The following TBCK variants were observed in gnomAD, a reference collection of about 807,000 sequenced individuals.
TBCK encodes the protein TBC1 domain containing kinase.
Under a neutral mutation model 113.4 loss-of-function variants are expected in TBCK, and 99 were observed. That is an observed-to-expected ratio of 0.87 (90% CI 0.74 to 1.03). The LOEUF is 1.03. TBCK is among the 50% of genes least tolerant of loss of function. TBCK has a pLI of 0.00. For synonymous variants in TBCK, 369 were observed against 370.8 expected (o/e 1.00, Z 0.05); for missense variants, 1,045 against 1,061.3 (o/e 0.98, Z 0.21).
intron 23 of TBCK, among the ~76,000 whole-genome samples, chr4:106,140,548 A>G (rs1163753613): frequency 7.1e-6 from 1 of 141,202 alleles, no homozygotes; most frequent in Admixed American, 7.0e-5. Flanking sequence ...GCCTCTCAAG[A>G]AAGAAAATTT....
intron 25 of TBCK, among the ~76,000 whole-genome samples, chr4:106,047,392 C>G (rs911430389): frequency 6.6e-6 from 1 of 152,194 alleles, no homozygotes; most frequent in African/African-American, 2.4e-5. Context: ...CCCAATATAG[C>G]ATACTGCTTT....
intron 3 of TBCK, among the ~76,000 whole-genome samples, chr4:106,283,259 CAATA>C (rs1286126063): frequency 6.6e-6 from 1 of 151,946 alleles, no homozygotes; most frequent in Non-Finnish European, 1.5e-5. Flanking sequence ...CTTTAGGAGA[CAATA>C]AATAAATTAC....
At chr4:106,312,915 T>C (rs1300503898) in intron 1 of TBCK, among the ~76,000 whole-genome samples, 1 of 152,062 alleles carries the variant, frequency 6.6e-6, no homozygotes, top group African/African-American at 2.4e-5. Flanking sequence ...GATAGTACTG[T>C]AGATGGGGGA....
At chr4:106,066,329 TGTTA>T (rs891594575) in intron 25 of TBCK, among the ~76,000 whole-genome samples, 2 of 151,900 alleles carry the variant, frequency 1.3e-5, no homozygotes, top group African/African-American at 4.8e-5. Flanking sequence ...GAAGAAAAGC[TGTTA>T]GTTTCCGAAG....
At chr4:106,147,001 T>C (rs1747877827) in intron 23 of TBCK, among the ~76,000 whole-genome samples, 1 of 152,192 alleles carries the variant, frequency 6.6e-6, no homozygotes, top group Admixed American at 6.5e-5. Context: ...TCTAAGAAAC[T>C]TTTTTTGCTC....
chr4:106,080,852 G>A (rs754428613), intron 25 of TBCK, among the ~76,000 whole-genome samples: 2 of 151,872 alleles, frequency 1.3e-5, no homozygotes, highest in Admixed American at 6.6e-5. Flanking sequence ...ATTAGAAAGT[G>A]GACAAAAAAC....
intron 3 of TBCK, among the ~76,000 whole-genome samples, chr4:106,265,343 G>C (rs1252438477): frequency 6.6e-6 from 1 of 151,820 alleles, no homozygotes. Flanking sequence ...ATGTAAAATG[G>C]GGTGTCCCCC....
At chr4:106,215,158 C>A (rs1756716348) in intron 19 of TBCK, among the ~76,000 whole-genome samples, 1 of 151,446 alleles carries the variant, frequency 6.6e-6, no homozygotes, top group African/African-American at 2.4e-5. Context: ...TACAGACAAG[C>A]AAATGCTGAG....
intron 22 of TBCK, among the ~76,000 whole-genome samples, chr4:106,181,299 T>G (rs1007791897): frequency 6.6e-6 from 1 of 152,182 alleles, no homozygotes; most frequent in African/African-American, 2.4e-5. Flanking sequence ...TTGCAAAAAT[T>G]TTCTCCCATT....
chr4:106,046,016 A>C lies in TBCK; in HGVS notation c.*554T>G, dbSNP rs1216182637. 6.6e-6 allele frequency: 1 copy of C among 152,062 alleles called. No homozygotes were observed. Among genetic ancestry groups the C allele is most frequent in the Non-Finnish European group, 1.5e-5 (1 of 68,070 alleles). 9.4% of individuals were successfully genotyped at this position (152,062 alleles called of 1,614,324 possible). ...TTTCATTTTTCTGGGAGTAAGTATT[A>C]CCACTTTCTGCAATGGGATAAACTC... On this transcript the variant is annotated 3_prime_UTR_variant, in exon 26 of 26. Transcript: ENST00000394708.
In TBCK at chr4:106,043,682, G is replaced by A. The variant is rs1443319238; in HGVS notation, c.*2888C>T. The A allele has an allele frequency of 6.6e-6, 1 of 152,114 alleles. No individual in the cohort carries two copies. Among genetic ancestry groups the A allele is most frequent in the Non-Finnish European group, 1.5e-5 (1 of 68,046 alleles). 9.4% of individuals were successfully genotyped at this position (152,114 alleles called of 1,614,324 possible). A position where few individuals can be genotyped will look rare whatever the true frequency, so the allele number is the denominator to read the frequency against. The stretch of plus-strand genomic sequence containing the variant: ...GGGGAAGCCAGAGAAGACTGGAGGA[G>A]GTACACTGTTGTTGCTAGATTATCA... On this transcript the variant is annotated 3_prime_UTR_variant, in exon 26 of 26. Transcript: ENST00000394708.
At chr4:106,236,295 T>G in intron 14 of TBCK, 95 bp downstream of exon 14, 1 of 923,104 alleles carries the variant, frequency 1.1e-6, no homozygotes, top group Admixed American at 3.5e-5. Context: ...AAAATTAATC[T>G]TCTTATTACT....
chr4:106,046,452 CTT>C lies in TBCK; in HGVS notation c.*116_*117del, dbSNP rs761658467. On this transcript the variant is annotated 3_prime_UTR_variant, in exon 26 of 26. Coordinates refer to ENST00000394708, the MANE Select transcript of TBCK (RefSeq NM_001163435.3). ...ATTTTAAAAAATGTCTCGTGACAAACTTTACGGAAATGCAACAATCTGGACAT... is the reference window on the plus strand; with the variant it reads ...ATTTTAAAAAATGTCTCGTGACAAACTACGGAAATGCAACAATCTGGACAT... The C allele has an allele frequency of 6.7e-6, 4 of 600,340 alleles. No homozygotes were observed. Among genetic ancestry groups the C allele is most frequent in the Non-Finnish European group, 8.9e-6 (3 of 335,850 alleles). The allele number at this position is 600,340 out of a possible 1,614,324, so 37.2% of individuals were successfully genotyped here.
At position 106,213,898 on chromosome 4, in the gene TBCK, C is replaced by G. The variant is rs1361825415; in HGVS notation, c.1775-1063G>C. On this transcript the variant is annotated intron_variant, in intron 19 of 25. Coordinates refer to ENST00000394708, the MANE Select transcript of TBCK (RefSeq NM_001163435.3). The stretch of plus-strand genomic sequence containing the variant: ...AAGGAGGCCTGCGTGCCTCTGTAGG[C>G]TCCACCTCTGGGGGCAGGGCACAGA... 3 of 153,212 alleles carry G rather than the reference C, an allele frequency of 2.0e-5. No individual in the cohort carries two copies. In the Admixed American group the frequency reaches 2.0e-4, roughly 10 times the overall value. 9.5% of individuals were successfully genotyped at this position (153,212 alleles called of 1,614,324 possible).
intron 5 of TBCK, 100 bp from the exon 6 acceptor site, chr4:106,252,107 C>T (rs746747924): frequency 4.3e-6 from 4 of 934,580 alleles, no homozygotes; most frequent in Non-Finnish European, 6.1e-6. Flanking sequence ...AAGTCTCATG[C>T]AATTAAATTA....
At chr4:106,156,260 T>C (rs1749110274) in intron 23 of TBCK, among the ~76,000 whole-genome samples, 1 of 152,122 alleles carries the variant, frequency 6.6e-6, no homozygotes, top group Non-Finnish European at 1.5e-5. Flanking sequence ...ACCTAGAGCT[T>C]GGGGTGGTGT....
At chr4:106,097,901 T>C (rs1297707060) in intron 24 of TBCK, among the ~76,000 whole-genome samples, 1 of 152,110 alleles carries the variant, frequency 6.6e-6, no homozygotes, top group African/African-American at 2.4e-5. Context: ...AAGAAAATTT[T>C]TGACATATGG....
At chr4:106,271,165 G>T (rs1763434446) in intron 3 of TBCK, among the ~76,000 whole-genome samples, 2 of 151,992 alleles carry the variant, frequency 1.3e-5, no homozygotes. Context: ...ACCTAACCTT[G>T]AACTAGACTT....
chr4:106,046,897 C>T (rs1734276587), intron 25 of TBCK, among the ~76,000 whole-genome samples: 2 of 152,232 alleles, frequency 1.3e-5, no homozygotes, highest in East Asian at 1.9e-4. Context: ...AATGTCTCTT[C>T]AGTTCTCTTT....
Sources: gnomAD v4.1 joint callset for allele counts (sites outside exome capture counted in the v4.1 genomes callset) on GRCh38, gnomAD v4.1.1 for gene constraint, MANE v1.5 for transcripts, NCBI Gene and HGNC (gene_info 2026-07-23, HGNC 2026-07-21) for gene names.